Variants in BRD10 observed in about 807,000 individuals in gnomAD.
The protein encoded by BRD10 is bromodomain containing 10.
At chr9:6,005,403 G>A in the BRD10 span, among the ~76,000 whole-genome samples, 1 of 152,194 alleles carries the variant, frequency 6.6e-6, no homozygotes, top group Admixed American at 6.5e-5. Context: ...TACTCGGGAC[G>A]CTGAGGCACG....
At chr9:5,996,963 G>A in the BRD10 span, among the ~76,000 whole-genome samples, 11 of 152,162 alleles carry the variant, frequency 7.2e-5, no homozygotes, top group Non-Finnish European at 1.0e-4. Flanking sequence ...TGCAAAGTAC[G>A]CAGGTAAATA....
chr9:5,897,887 A>G, the BRD10 span, among the ~76,000 whole-genome samples: 1 of 152,242 alleles, frequency 6.6e-6, no homozygotes, highest in Admixed American at 6.5e-5. Context: ...TTATAACATA[A>G]TACGAGAGAC....
chr9:5,997,893 A>G, the BRD10 span, among the ~76,000 whole-genome samples: 1 of 152,212 alleles, frequency 6.6e-6, no homozygotes, highest in Non-Finnish European at 1.5e-5. Context: ...GTAAGCACAC[A>G]CAATACATAA....
chr9:6,008,318 C>T, the BRD10 span: 14 of 984,962 alleles, frequency 1.4e-5, no homozygotes, highest in Non-Finnish European at 1.7e-5. Context: ...GGTGCACGGA[C>T]GGGGCCCGGC....
chr9:6,008,330 A>T, the BRD10 span: 1 of 984,932 alleles, frequency 1.0e-6, no homozygotes, highest in Non-Finnish European at 1.2e-6. Context: ...GGGCCCGGCG[A>T]CAACTGTCAG....
At chr9:5,986,373 T>C in the BRD10 span, among the ~76,000 whole-genome samples, 16 of 152,358 alleles carry the variant, frequency 1.1e-4, no homozygotes, top group African/African-American at 3.4e-4. Context: ...CAGTCTATCA[T>C]TGCTGAGCAT....
At chr9:5,956,781 A>T in the BRD10 span, among the ~76,000 whole-genome samples, 1 of 152,144 alleles carries the variant, frequency 6.6e-6, no homozygotes, top group Non-Finnish European at 1.5e-5. Flanking sequence ...TGAATGTAAT[A>T]CTTAACTTAG....
chr9:5,938,365 C>T, the BRD10 span, among the ~76,000 whole-genome samples: 2 of 152,190 alleles, frequency 1.3e-5, no homozygotes, highest in Admixed American at 1.3e-4. Flanking sequence ...TCACTTAAGC[C>T]CAGAAGGTCA....
the BRD10 span, among the ~76,000 whole-genome samples, chr9:5,956,772 GAATGT>G: frequency 6.6e-6 from 1 of 152,080 alleles, no homozygotes; most frequent in African/African-American, 2.4e-5. Context: ...ACAAATCAAT[GAATGT>G]AATACTTAAC....
the BRD10 span, among the ~76,000 whole-genome samples, chr9:5,914,983 C>T: frequency 6.6e-6 from 1 of 151,980 alleles, no homozygotes; most frequent in Non-Finnish European, 1.5e-5. Context: ...CCCCGCCAAG[C>T]CCAACAAACA....
At chr9:5,897,687 A>T in the BRD10 span, 2 of 1,546,232 alleles carry the variant, frequency 1.3e-6, no homozygotes, top group Non-Finnish European at 1.8e-6. Context: ...AATCCCTCCA[A>T]GTCCAGGGCC....
chr9:5,970,396 T>G, the BRD10 span, among the ~76,000 whole-genome samples: 1 of 152,116 alleles, frequency 6.6e-6, no homozygotes, highest in African/African-American at 2.4e-5. Flanking sequence ...AAATAATTTC[T>G]AGGTTAATAG....
chr9:5,925,484 C>G, the BRD10 span, among the ~76,000 whole-genome samples: 1 of 151,904 alleles, frequency 6.6e-6, no homozygotes, highest in Admixed American at 6.6e-5. Flanking sequence ...AATGAGACAA[C>G]TAATTTTTTT....
chr9:5,918,113 A>G, the BRD10 span, among the ~76,000 whole-genome samples: 1 of 152,138 alleles, frequency 6.6e-6, no homozygotes, highest in Non-Finnish European at 1.5e-5. Context: ...AAAAACGGGG[A>G]GAGTGACTTG....
chr9:5,920,170 C>T, the BRD10 span: 1 of 1,613,934 alleles, frequency 6.2e-7, no homozygotes, highest in Non-Finnish European at 8.5e-7. Context: ...CTAGTGTGAT[C>T]TTCTGGGCAG....
the BRD10 span, among the ~76,000 whole-genome samples, chr9:5,879,919 G>A: frequency 6.6e-6 from 1 of 152,018 alleles, no homozygotes; most frequent in Non-Finnish European, 1.5e-5. Flanking sequence ...AAAATGCTAC[G>A]TAGAACTTAC....
At chr9:5,940,535 C>T in the BRD10 span, among the ~76,000 whole-genome samples, 35 of 152,210 alleles carry the variant, frequency 2.3e-4, no homozygotes, top group East Asian at 3.1e-3. Context: ...CAAATATTTC[C>T]GTATTGTAAA....
chr9:5,947,513 A>T, the BRD10 span, among the ~76,000 whole-genome samples: 2 of 152,116 alleles, frequency 1.3e-5, no homozygotes, highest in Non-Finnish European at 2.9e-5. Context: ...TATAATATTT[A>T]TTCTGAGGTT....
the BRD10 span, among the ~76,000 whole-genome samples, chr9:5,971,263 A>T: frequency 2.6e-5 from 4 of 152,174 alleles, no homozygotes; most frequent in African/African-American, 9.7e-5. Context: ...GATAGTAGTA[A>T]CAAGTATTGG....
Sources: gnomAD v4.1 joint callset for allele counts (sites outside exome capture counted in the v4.1 genomes callset) on GRCh38, gnomAD v4.1.1 for gene constraint, MANE v1.5 for transcripts, NCBI Gene and HGNC (gene_info 2026-07-23, HGNC 2026-07-21) for gene names.